TET3: variants seen among roughly 807,000 people sequenced by gnomAD.
TET3 encodes tet methylcytosine dioxygenase 3, also known as methylcytosine dioxygenase TET3.
Under a neutral mutation model 141.4 loss-of-function variants are expected in TET3, and 19 were observed. The ratio of observed to expected loss-of-function variants is 0.13; its 90% CI spans 0.09 to 0.20. The LOEUF (loss-of-function observed/expected upper bound fraction) is 0.20. TET3 is among the 10% of genes least tolerant of loss of function. The pLI is 1.00. For missense variants in TET3, 1,874 were observed against 2,356.9 expected, an observed-to-expected ratio of 0.80 and a Z score of 4.24; for synonymous variants, 1,043 against 980.9, an observed-to-expected ratio of 1.06 and a Z score of -1.18.
intron 2 of TET3, among the ~76,000 whole-genome samples, chr2:73,991,276 GA>G (rs1684308491): frequency 1.3e-5 from 2 of 151,732 alleles, no homozygotes; most frequent in South Asian, 2.1e-4. Flanking sequence ...TGGAGGGATA[GA>G]ATTGCTTGTT....
intron 3 of TET3, among the ~76,000 whole-genome samples, chr2:74,039,698 A>G (rs1462997785): frequency 6.6e-6 from 1 of 152,190 alleles, no homozygotes; most frequent in African/African-American, 2.4e-5. Context: ...GAGGTAACTT[A>G]ATGACTGGGC....
chr2:74,061,905 C>T (rs1177500636), intron 4 of TET3, among the ~76,000 whole-genome samples: 1 of 150,984 alleles, frequency 6.6e-6, no homozygotes, highest in Non-Finnish European at 1.5e-5. Context: ...GATGGGATGG[C>T]GGCCGGGCAG....
At chr2:74,026,364 C>G (rs549537229) in intron 3 of TET3, among the ~76,000 whole-genome samples, 1 of 152,274 alleles carries the variant, frequency 6.6e-6, no homozygotes, top group Non-Finnish European at 1.5e-5. Context: ...TGTCACCCCC[C>G]TCTCCCCCAC....
intron 3 of TET3, among the ~76,000 whole-genome samples, chr2:74,040,046 T>G (rs1009342221): frequency 5.0e-4 from 76 of 152,284 alleles, no homozygotes; most frequent in African/African-American, 1.6e-3. Context: ...ATGGAGGGAA[T>G]GTTGTGGCTA....
At position 74,105,875 on chromosome 2, in the gene TET3, C is replaced by CTA. The variant is rs1395149377; in HGVS notation, c.*3703_*3704dup. On this transcript the variant is annotated 3_prime_UTR_variant, in exon 12 of 12. Transcript: ENST00000409262. Reference sequence around the variant, plus strand: ...AAACCAAGGCAAAGCTGGTGGAAAACTATATGATATCCCTGACGTGCCTCA... The same window carrying CTA: ...AAACCAAGGCAAAGCTGGTGGAAAACTATATATGATATCCCTGACGTGCCTCA... The CTA allele has an allele frequency of 6.5e-6, 1 of 154,962 alleles. No individual in the cohort carries two copies. Among genetic ancestry groups the CTA allele is most frequent in the Non-Finnish European group, 1.5e-5 (1 of 68,950 alleles). 9.6% of individuals were successfully genotyped at this position (154,962 alleles called of 1,614,324 possible).
Position 74,105,192 on chromosome 2 carries a change from C to G in TET3, c.*3016C>G, listed in dbSNP as rs779854762. On this transcript the variant is annotated 3_prime_UTR_variant, in exon 12 of 12. Transcript: ENST00000409262. The stretch of plus-strand genomic sequence containing the variant: ...CCATTGCAACTAAAGAACCTAACAG[C>G]ATGACCAAGTTCGAAGAGTCATATT... 3 of 398,440 alleles carry G rather than the reference C, an allele frequency of 7.5e-6. No homozygotes were observed. Among genetic ancestry groups the G allele is most frequent in the Non-Finnish European group, 1.3e-5 (3 of 226,066 alleles). 24.7% of individuals were successfully genotyped at this position (398,440 alleles called of 1,614,324 possible). A position where few individuals can be genotyped will look rare whatever the true frequency, so the allele number is the denominator to read the frequency against.
At chr2:74,013,760 C>T (rs752097100) in intron 3 of TET3, among the ~76,000 whole-genome samples, 4 of 151,964 alleles carry the variant, frequency 2.6e-5, no homozygotes, top group East Asian at 3.9e-4. Flanking sequence ...TGCAGTGAGC[C>T]GAGATCGCAC....
At chr2:74,124,311 G>T in the TET3 span, among the ~76,000 whole-genome samples, 81 of 149,264 alleles carry the variant, frequency 5.4e-4, no homozygotes, top group Admixed American at 7.9e-4. Context: ...GGAGGGAGGT[G>T]GGGGGTCAGC....
intron 3 of TET3, among the ~76,000 whole-genome samples, chr2:74,007,529 A>T (rs1685208962): frequency 6.6e-6 from 1 of 152,168 alleles, no homozygotes; most frequent in Non-Finnish European, 1.5e-5. Flanking sequence ...CATGAACCTG[A>T]AATTGCCTTA....
chr2:74,052,724 G>T (rs940600364), intron 4 of TET3, among the ~76,000 whole-genome samples: 1 of 151,954 alleles, frequency 6.6e-6, no homozygotes, highest in South Asian at 2.1e-4. Context: ...ACAAAAATTA[G>T]CTGGGCATGG....
chr2:74,036,654 T>TGGA (rs1421719213), intron 3 of TET3, among the ~76,000 whole-genome samples: 1 of 152,238 alleles, frequency 6.6e-6, no homozygotes, highest in Admixed American at 6.5e-5. Flanking sequence ...ATCTCCACCT[T>TGGA]GGAGGAGCCT....
At position 74,101,652 on chromosome 2, in the gene TET3, G is replaced by T; in HGVS notation, c.4864G>T (p.Val1622Leu). 6.2e-7 allele frequency: 1 copy of T among 1,613,756 alleles called. No homozygotes were observed. The highest frequency in any genetic ancestry group is 8.5e-7 in the Non-Finnish European group (1 of 1,179,862). ...TGAGGAGCCCCCCAGCAAGGGAGCGGTGAAGGAGGAGAAGGGCGGTGGTGG... is the reference window on the plus strand; with the variant it reads ...TGAGGAGCCCCCCAGCAAGGGAGCGTTGAAGGAGGAGAAGGGCGGTGGTGG... Reference protein sequence around the residue: ...PAEEPPSKGAVKEEKGGGGAE... With the variant: ...PAEEPPSKGALKEEKGGGGAE... The change falls in exon 12 of 12, where the codon GTG (valine) becomes TTG (leucine). Residue 1622 changes from valine (V) to leucine (L), a missense_variant. This residue lies in a region of TET3 where 602 missense variants were observed against 590.2 expected (regional missense o/e 1.02). Transcript: ENST00000409262. The surrounding 1 kb of genome is among the most constrained non-coding windows in gnomAD (Gnocchi z 8.5).
At chr2:74,009,609 A>G (rs1685322244) in intron 3 of TET3, among the ~76,000 whole-genome samples, 4 of 152,120 alleles carry the variant, frequency 2.6e-5, no homozygotes, top group Admixed American at 2.6e-4. Flanking sequence ...TTTTCCTAGC[A>G]CTGTGGATCT....
At chr2:74,010,416 C>A (rs1393882823) in intron 3 of TET3, among the ~76,000 whole-genome samples, 2 of 152,286 alleles carry the variant, frequency 1.3e-5, no homozygotes, top group East Asian at 3.9e-4. Flanking sequence ...CTAAATGCTC[C>A]CACCCCCACA....
the TET3 span, among the ~76,000 whole-genome samples, chr2:74,133,300 G>C: frequency 2.0e-5 from 3 of 152,170 alleles, no homozygotes; most frequent in African/African-American, 4.8e-5. Context: ...ATTATCAATT[G>C]CTGCATAAAA....
chr2:74,012,892 G>A (rs1685531769), intron 3 of TET3, among the ~76,000 whole-genome samples: 1 of 151,490 alleles, frequency 6.6e-6, no homozygotes, highest in African/African-American at 2.4e-5. Flanking sequence ...AGTAGTGGAT[G>A]TTTGCTTTTG....
chr2:74,086,791 TAAAAAAA>T (rs33942081), intron 6 of TET3, among the ~76,000 whole-genome samples: 1 of 94,052 alleles, frequency 1.1e-5, no homozygotes, highest in Non-Finnish European at 2.1e-5. Flanking sequence ...ACCCTGACTC[TAAAAAAA>T]AAAAAAAAAA....
chr2:74,002,634 G>A (rs1214530376), intron 2 of TET3: 2 of 367,362 alleles, frequency 5.4e-6, no homozygotes, highest in Non-Finnish European at 9.7e-6. Flanking sequence ...CGGCCGCGGG[G>A]ATTGGCTGGC....
chr2:74,121,444 C>A, the TET3 span: 1 of 152,210 alleles, frequency 6.6e-6, no homozygotes, highest in Admixed American at 6.5e-5. Context: ...AGAAAAATGT[C>A]ACAGCTGGTA....
Sources: allele counts gnomAD v4.1 joint callset (sites outside exome capture counted in the v4.1 genomes callset), GRCh38; gene constraint gnomAD v4.1.1; regional missense constraint gnomAD v4.1.1; non-coding constraint Gnocchi (gnomAD v3.1); transcripts MANE v1.5; gene names NCBI Gene and HGNC (gene_info 2026-07-23, HGNC 2026-07-21).